Variants in RIN2 observed in about 807,000 individuals in gnomAD.
The protein encoded by RIN2 is RAB5 interacting protein 2.
Under a neutral mutation model 78.0 loss-of-function variants are expected in RIN2, and 36 were observed. The ratio of observed to expected loss-of-function variants is 0.46; its 90% CI spans 0.35 to 0.61. The LOEUF is 0.61. RIN2 is among the 20% of genes least tolerant of loss of function. RIN2 has a pLI of 0.00. For synonymous variants in RIN2, 466 were observed against 466.8 expected, an observed-to-expected ratio of 1.00 and a Z score of 0.02; for missense variants, 1,087 against 1,159.7, an observed-to-expected ratio of 0.94 and a Z score of 0.91.
chr20:19,801,823 A>C (rs536764400), intron 2 of RIN2, among the ~76,000 whole-genome samples: 3 of 152,204 alleles, frequency 2.0e-5, no homozygotes, highest in Non-Finnish European at 4.4e-5. Context: ...CAGAGTAAGG[A>C]AGTGCATAGT....
At chr20:19,922,438 CA>C (rs1186775648) in intron 3 of RIN2, among the ~76,000 whole-genome samples, 1 of 152,058 alleles carries the variant, frequency 6.6e-6, no homozygotes, top group Non-Finnish European at 1.5e-5. Context: ...CAATTGAGGC[CA>C]CTGTGCAGCC....
At position 19,802,473 on chromosome 20, in the gene RIN2, A is replaced by T. The variant is rs1456336916; in HGVS notation, c.-37+2726A>T. Reference sequence around the variant, plus strand: ...ACTATCTCTACAAAAAGTTTCTTTAAAAAAAAAAAAAAAAAGTATACCTAG... The same window carrying T: ...ACTATCTCTACAAAAAGTTTCTTTATAAAAAAAAAAAAAAAGTATACCTAG... On this transcript the variant is annotated intron_variant, in intron 2 of 12. Coordinates refer to ENST00000255006, the MANE Select transcript of RIN2 (RefSeq NM_018993.4). Among the ~76,000 whole-genome samples, 71 of 67,292 alleles carry T rather than the reference A, an allele frequency of 1.1e-3. 1 individual carries two copies. The highest frequency in any genetic ancestry group is 3.3e-3 in the South Asian group (6 of 1,842). The allele number at this position is 67,292 out of a possible 152,430, so 44.1% of individuals were successfully genotyped here. A position where few individuals can be genotyped will look rare whatever the true frequency, so the allele number is the denominator to read the frequency against.
intron 4 of RIN2, chr20:19,935,439 A>T: frequency 1.6e-6 from 2 of 1,264,338 alleles, no homozygotes; most frequent in African/African-American, 1.5e-5. Context: ...CTGGCACCAG[A>T]ACCCGGAAAC....
chr20:19,840,517 G>A (rs562565261), intron 2 of RIN2, among the ~76,000 whole-genome samples: 1 of 152,326 alleles, frequency 6.6e-6, no homozygotes, highest in African/African-American at 2.4e-5. Context: ...CTTCCCCACA[G>A]TTTATAGGAA....
At chr20:19,771,235 TC>T (rs1460718005) in intron 1 of RIN2, among the ~76,000 whole-genome samples, 1 of 152,072 alleles carries the variant, frequency 6.6e-6, no homozygotes, top group Non-Finnish European at 1.5e-5. Flanking sequence ...GTGGTCAAAG[TC>T]CCAGTCCTCT....
intron 2 of RIN2, among the ~76,000 whole-genome samples, chr20:19,832,455 G>C (rs1455769621): frequency 2.0e-5 from 3 of 150,420 alleles, no homozygotes; most frequent in African/African-American, 7.4e-5. Context: ...TAGTAAAAAA[G>C]ACTCACCCTC....
intron 1 of RIN2, among the ~76,000 whole-genome samples, chr20:19,773,503 T>C (rs1162396247): frequency 2.6e-5 from 4 of 152,196 alleles, no homozygotes; most frequent in Non-Finnish European, 5.9e-5. Context: ...TCTTGTCTTG[T>C]TCTGCTGTTG....
At chr20:19,889,760 G>A (rs754801113) in intron 3 of RIN2, 102 bp downstream of exon 3, 1 of 905,766 alleles carries the variant, frequency 1.1e-6, no homozygotes, top group East Asian at 2.9e-5. Context: ...TGCTCTCTGA[G>A]CCAGCACCGG....
At chr20:19,939,850 C>CTT (rs11477693) in intron 4 of RIN2, among the ~76,000 whole-genome samples, 33 of 145,166 alleles carry the variant, frequency 2.3e-4, no homozygotes, top group Non-Finnish European at 4.7e-4. Context: ...TCCATTCTTT[C>CTT]TTTTTTTTTT....
At chr20:19,784,541 T>C (rs1223473375) in intron 1 of RIN2, among the ~76,000 whole-genome samples, 1 of 152,100 alleles carries the variant, frequency 6.6e-6, no homozygotes, top group African/African-American at 2.4e-5. Context: ...CATCCAAATC[T>C]CTTACCATAA....
At chr20:19,783,130 G>C (rs2034563996) in intron 1 of RIN2, among the ~76,000 whole-genome samples, 1 of 152,178 alleles carries the variant, frequency 6.6e-6, no homozygotes, top group African/African-American at 2.4e-5. Context: ...TCATCCTGGT[G>C]GTAGTGTGTT....
At chr20:19,939,909 A>C (rs1600874061) in intron 4 of RIN2, among the ~76,000 whole-genome samples, 1 of 149,676 alleles carries the variant, frequency 6.7e-6, no homozygotes, top group East Asian at 2.0e-4. Context: ...GGAGTGCAAT[A>C]GTGGTGTGAT....
At chr20:19,882,149 A>G (rs2038044538) in intron 2 of RIN2, among the ~76,000 whole-genome samples, 1 of 152,228 alleles carries the variant, frequency 6.6e-6, no homozygotes, top group Non-Finnish European at 1.5e-5. Context: ...AACTACACCC[A>G]GTCACACTTG....
chr20:19,985,315 C>G (rs1463927571), intron 9 of RIN2, among the ~76,000 whole-genome samples: 1 of 152,192 alleles, frequency 6.6e-6, no homozygotes, highest in Non-Finnish European at 1.5e-5. Flanking sequence ...TGAATCACTT[C>G]TTGTCTAGAA....
chr20:19,954,398 G>T (rs1443841611), intron 4 of RIN2, among the ~76,000 whole-genome samples: 2 of 152,136 alleles, frequency 1.3e-5, no homozygotes, highest in Admixed American at 6.5e-5. Flanking sequence ...GTGTCCCTTG[G>T]CTGCCCCAGG....
At chr20:19,827,659 C>T (rs903437875) in intron 2 of RIN2, among the ~76,000 whole-genome samples, 5 of 152,138 alleles carry the variant, frequency 3.3e-5, no homozygotes, top group Non-Finnish European at 5.9e-5. Flanking sequence ...GATCCAGGTA[C>T]GCCCTTATGA....
rs576329059 is a variant in RIN2, at chr20:19,946,550, T to C, written c.159-10065T>C. Reference sequence around the variant, plus strand: ...ATGGCCAACATGGCGAAACCCCGTCTCTACTAAAAATGCACATATTAGTCT... The same window carrying C: ...ATGGCCAACATGGCGAAACCCCGTCCCTACTAAAAATGCACATATTAGTCT... On this transcript the variant is annotated intron_variant, in intron 4 of 12. Transcript: ENST00000255006. 7.2e-5 allele frequency among the ~76,000 whole-genome samples: 11 copies of C among 151,842 alleles called. No individual in the cohort carries two copies. The East Asian group carries it at 2.1e-3, about 29-fold the overall frequency.
chr20:19,813,511 G>A (rs917824738), intron 2 of RIN2, among the ~76,000 whole-genome samples: 4 of 152,180 alleles, frequency 2.6e-5, no homozygotes, highest in Non-Finnish European at 2.9e-5. Flanking sequence ...GCTTCCATTC[G>A]AGTGGGAGAA....
At chr20:19,923,119 A>G (rs1180258413) in intron 3 of RIN2, among the ~76,000 whole-genome samples, 2 of 152,150 alleles carry the variant, frequency 1.3e-5, no homozygotes, top group South Asian at 4.1e-4. Context: ...CTGCTTTTAA[A>G]TACTAAGTTG....
Sources: allele counts gnomAD v4.1 joint callset (sites outside exome capture counted in the v4.1 genomes callset), GRCh38; gene constraint gnomAD v4.1.1; transcripts MANE v1.5; gene names NCBI Gene and HGNC (gene_info 2026-07-23, HGNC 2026-07-21).